Variants in DPYSL4 observed in about 807,000 individuals in gnomAD.
DPYSL4 encodes dihydropyrimidinase-related protein 4.
A neutral mutation model predicts 63.4 loss-of-function variants in DPYSL4; 43 were observed. The ratio of observed to expected loss-of-function variants is 0.68; its 90% CI spans 0.53 to 0.88. DPYSL4 has a LOEUF of 0.88. Ranked by LOEUF, DPYSL4 falls within the 40% of genes least tolerant of loss-of-function variation. The pLI, the probability that DPYSL4 is intolerant of heterozygous loss-of-function variation, is 0.00. For missense variants in DPYSL4, 733 were observed against 819.5 expected (o/e 0.89, Z 1.29); for synonymous variants, 353 against 331.7 (o/e 1.06, Z -0.70).
At chr10:132,192,920 GGAGGA>G (rs1231513716) in intron 3 of DPYSL4, 78 bp downstream of exon 3, 7 of 1,438,196 alleles carry the variant, frequency 4.9e-6, no homozygotes, top group Non-Finnish European at 4.6e-6. Context: ...GTGTGTGGGA[GGAGGA>G]GTGTCGCCTA....
intron 6 of DPYSL4, among the ~76,000 whole-genome samples, chr10:132,197,331 T>A (rs1050493871): frequency 6.6e-6 from 1 of 152,162 alleles, no homozygotes; most frequent in South Asian, 2.1e-4. Context: ...AAACAGCTTC[T>A]CCTTGATCAA....
chr10:132,196,996 A>T (rs759887295), intron 5 of DPYSL4, 25 bp from the exon 6 acceptor site: 2 of 1,612,356 alleles, frequency 1.2e-6, no homozygotes, highest in Non-Finnish European at 1.7e-6. Context: ...AGCCCCACCC[A>T]GGACGCCACC....
chr10:132,194,735 C>A, intron 3 of DPYSL4, 110 bp from the exon 4 acceptor site: 1 of 1,431,590 alleles, frequency 7.0e-7, no homozygotes, highest in Non-Finnish European at 9.6e-7. Context: ...GTGTCTCCCT[C>A]AAATGGTCCT....
intron 13 of DPYSL4, among the ~76,000 whole-genome samples, 170 bp from the exon 14 acceptor site, chr10:132,204,669 G>A (rs1327511179): frequency 2.0e-5 from 3 of 152,176 alleles, no homozygotes; most frequent in African/African-American, 7.2e-5. Flanking sequence ...CCTCAGGGAT[G>A]GGAGTCCTGC....
In DPYSL4 at chr10:132,203,876, A is replaced by T; in HGVS notation, c.1576A>T (p.Ile526Phe). ...GGCCCGCGCGTCCTGCCCAGGCAAG[A>T]TCTCCGTCCCTCCTGTGCGCAACCT... ...APARASCPGKISVPPVRNLHQ... is the reference protein window; with the variant it reads ...APARASCPGKFSVPPVRNLHQ... The change falls in exon 13 of 14, where the codon ATC becomes TTC. Residue 526 changes from isoleucine (I) to phenylalanine (F), a missense_variant. By Grantham distance (21) the Ile-to-Phe change is conservative. Coordinates refer to ENST00000338492, the MANE Select transcript of DPYSL4 (RefSeq NM_006426.3). The T allele has an allele frequency of 6.2e-7, 1 of 1,612,688 alleles. No individual in the cohort carries two copies. Among genetic ancestry groups the T allele is most frequent in the South Asian group, 1.1e-5 (1 of 91,038 alleles).
In DPYSL4 at chr10:132,200,844, G is replaced by A. The variant is rs1485582919; in HGVS notation, c.971G>A (p.Gly324Glu). 6.2e-7 allele frequency: 1 copy of A among 1,612,072 alleles called. No individual in the cohort carries two copies. Among genetic ancestry groups the A allele is most frequent in the Non-Finnish European group, 8.5e-7 (1 of 1,179,608 alleles). Residue 324 changes from glycine to glutamate, a missense_variant and splice_region_variant, in exon 10 of 14, where the codon GGG becomes GAG. By Grantham distance (98) the Gly-to-Glu change is moderately conservative. Coordinates refer to ENST00000338492, the MANE Select transcript of DPYSL4 (RefSeq NM_006426.3). ...CTCTGACCCTGGCTTGTTTCCAGCG[G>A]GGACCTCCAGGTGACAGGCAGCGCC... ...ADHLTCLLSSGDLQVTGSAHC... is the reference protein window; with the variant it reads ...ADHLTCLLSSEDLQVTGSAHC...
chr10:132,205,169 A>C lies in DPYSL4; in HGVS notation c.*239A>C. 1.9e-5 allele frequency: 7 copies of C among 362,942 alleles called. No homozygotes were observed. Among genetic ancestry groups the C allele is most frequent in the South Asian group, 9.5e-5 (1 of 10,512 alleles). 22.5% of individuals were successfully genotyped at this position (362,942 alleles called of 1,614,324 possible). On this transcript the variant is annotated 3_prime_UTR_variant, in exon 14 of 14. Transcript: ENST00000338492. Reference sequence around the variant, plus strand: ...CACTGCCAGGGTGAGGTGGAGCCACATGGCAGGGACAATGCCGGCAGCCTG... The same window carrying C: ...CACTGCCAGGGTGAGGTGGAGCCACCTGGCAGGGACAATGCCGGCAGCCTG...
chr10:132,203,438 G>C (rs2062047957), intron 12 of DPYSL4: 1 of 398,718 alleles, frequency 2.5e-6, no homozygotes. Flanking sequence ...ACACACAAGT[G>C]CACGTGGGGC....
chr10:132,202,012 A>C lies in DPYSL4; in HGVS notation c.1177A>C (p.Asn393His). ...VTSTNAAKIF[N>H]FYPRKGRVAV... ...CAGTACAAATGCTGCCAAAATCTTC[A>C]ATTTTTACCCAAGGAAGGGGCGAGT... Residue 393 changes from asparagine (N) to histidine (H), a missense_variant, in exon 11 of 14, where the codon AAT becomes CAT. By Grantham distance (68) the Asn-to-His change is moderately conservative (BLOSUM62 1). Coordinates refer to ENST00000338492, the MANE Select transcript of DPYSL4 (RefSeq NM_006426.3). 6.2e-7 allele frequency: 1 copy of C among 1,613,230 alleles called. No individual in the cohort carries two copies. The highest frequency in any genetic ancestry group is 8.5e-7 in the Non-Finnish European group (1 of 1,179,936).
At chr10:132,197,635 G>A (rs2061962928) in intron 6 of DPYSL4, among the ~76,000 whole-genome samples, 1 of 152,238 alleles carries the variant, frequency 6.6e-6, no homozygotes, top group African/African-American at 2.4e-5. Flanking sequence ...CAGAGAGTGG[G>A]CCACCCCATA....
chr10:132,196,097 T>C (rs1288829630), intron 4 of DPYSL4, among the ~76,000 whole-genome samples: 1 of 152,206 alleles, frequency 6.6e-6, no homozygotes, highest in South Asian at 2.1e-4. Context: ...TGACTCAGTT[T>C]CCCCAGTGTG....
intron 1 of DPYSL4, among the ~76,000 whole-genome samples, chr10:132,188,962 A>G (rs1186275109): frequency 6.6e-6 from 1 of 152,212 alleles, no homozygotes; most frequent in Non-Finnish European, 1.5e-5. Flanking sequence ...AGTCACTGGG[A>G]TCCTGAAAAT....
Position 132,187,009 on chromosome 10 carries a change from G to GGGGGGGGGGGGC in DPYSL4, c.-55_-54insGGGGGGGGGGGC. On this transcript the variant is annotated 5_prime_UTR_variant, in exon 1 of 14. Transcript: ENST00000338492. ...GGCTCACGCGTCCCCCCGCCCGCCC[G>GGGGGGGGGGGGC]CCCGCCCGCCCGCCCCCGCTTGTGC... 2 of 65,728 alleles carry GGGGGGGGGGGGC rather than the reference G, an allele frequency of 3.0e-5. No individual in the cohort carries two copies. Among genetic ancestry groups the GGGGGGGGGGGGC allele is most frequent in the Non-Finnish European group, 2.9e-5 (1 of 34,884 alleles). The allele number at this position is 65,728 out of a possible 1,614,324, so 4.1% of individuals were successfully genotyped here.
Position 132,203,920 on chromosome 10 carries a change from C to CCTAT in DPYSL4, c.1623_1626dup (p.Gly543IlefsTer6). 6.2e-7 allele frequency: 1 copy of CCTAT among 1,600,742 alleles called. No homozygotes were observed. Among genetic ancestry groups the CCTAT allele is most frequent in the Non-Finnish European group, 8.5e-7 (1 of 1,170,116 alleles). On this transcript the variant is annotated frameshift_variant, in exon 13 of 14. Coordinates refer to ENST00000338492, the MANE Select transcript of DPYSL4 (RefSeq NM_006426.3). LOFTEE classifies it low-confidence loss of function (END_TRUNC). ...GCAACCTACATCAGTCGGGGTTCAG[C>CCTAT]CTATCTGGTGAGTTGGGCCTGGGGC...
chr10:132,205,065 C>T lies in DPYSL4; in HGVS notation c.*135C>T, dbSNP rs1482746123. 3.2e-6 allele frequency: 2 copies of T among 620,234 alleles called. No homozygotes were observed. The highest frequency in any genetic ancestry group is 5.2e-6 in the Non-Finnish European group (2 of 381,236). The allele number at this position is 620,234 out of a possible 1,614,324, so 38.4% of individuals were successfully genotyped here. On this transcript the variant is annotated 3_prime_UTR_variant, in exon 14 of 14. Transcript: ENST00000338492. ...TGCTTGGCGGTCTTGCCTTCCCCCT[C>T]CCCACAGGCTCTCCTTGTGGGGTCC...
At chr10:132,201,773 C>T (rs114415102) in intron 10 of DPYSL4, among the ~76,000 whole-genome samples, 173 bp from the exon 11 acceptor site, 3,417 of 152,132 alleles carry the variant, frequency 0.022, 115 homozygotes, top group South Asian at 0.11. Flanking sequence ...GCAGGGGCCC[C>T]GTGTCCTGCC....
In DPYSL4 at chr10:132,194,981, G is replaced by A. The variant is rs951623110; in HGVS notation, c.450G>A (p.Glu150=). ...DITRWHESIK[E]ELEALVKEKG... ...CCCGATGGCATGAGAGCATCAAGGA[G>A]GAGCTGGAGGCCCTGGTCAAGGAGA... The change falls in exon 4 of 14, where the codon GAG becomes GAA. Residue 150 remains glutamate, a synonymous_variant. Transcript: ENST00000338492. 15 of 1,607,746 alleles carry A rather than the reference G, an allele frequency of 9.3e-6. No individual in the cohort carries two copies. Among genetic ancestry groups the A allele is most frequent in the African/African-American group, 1.3e-5 (1 of 74,900 alleles).
intron 12 of DPYSL4, among the ~76,000 whole-genome samples, chr10:132,203,378 C>A (rs1237852185): frequency 6.6e-6 from 1 of 152,208 alleles, no homozygotes; most frequent in South Asian, 2.1e-4. Flanking sequence ...TCTCCCCAGA[C>A]CACCAGGTGC....
At chr10:132,202,847 T>C (rs1171858208) in intron 12 of DPYSL4, 22 bp downstream of exon 12, 2 of 1,565,334 alleles carry the variant, frequency 1.3e-6, no homozygotes, top group Non-Finnish European at 8.7e-7. Flanking sequence ...CCCGCAAGGG[T>C]GTTGTGCAGG....
Sources: allele counts gnomAD v4.1 joint callset (sites outside exome capture counted in the v4.1 genomes callset), GRCh38; gene constraint gnomAD v4.1.1; transcripts MANE v1.5; gene names NCBI Gene and HGNC (gene_info 2026-07-23, HGNC 2026-07-21).